The following ST8SIA6 variants were observed in gnomAD, a reference collection of about 807,000 sequenced individuals.
ST8SIA6 encodes the protein ST8 alpha-N-acetyl-neuraminide alpha-2,8-sialyltransferase 6.
In ST8SIA6, 39 loss-of-function variants were observed where a neutral mutation model predicts 33.6. The observed-to-expected ratio is 1.16, with a 90% confidence interval of 0.90 to 1.52. The LOEUF is 1.52. Ranked by LOEUF, ST8SIA6 falls within the 40% of genes most tolerant of loss-of-function variation. The probability of loss-of-function intolerance (pLI) is 0.00; values close to 1 mark genes in which losing one functional copy is unlikely to be tolerated. For missense variants in ST8SIA6, 441 were observed against 443.8 expected (o/e 0.99, Z 0.06); for synonymous variants, 172 against 167.2 (o/e 1.03, Z -0.22).
chr10:17,432,905 A>T (rs1564462195), intron 2 of ST8SIA6, among the ~76,000 whole-genome samples: 1 of 152,148 alleles, frequency 6.6e-6, no homozygotes, highest in African/African-American at 2.4e-5. Flanking sequence ...CCAACCTGTA[A>T]CCAACCCAGC....
At chr10:17,332,501 A>G (rs914405245) in intron 4 of ST8SIA6, among the ~76,000 whole-genome samples, 5 of 152,068 alleles carry the variant, frequency 3.3e-5, no homozygotes, top group East Asian at 1.9e-4. Flanking sequence ...GTCTCACTCA[A>G]TCTCCCACAC....
At chr10:17,361,736 G>A (rs2131620423) in intron 3 of ST8SIA6, among the ~76,000 whole-genome samples, 1 of 149,186 alleles carries the variant, frequency 6.7e-6, no homozygotes, top group Admixed American at 6.7e-5. Flanking sequence ...AACCGGGCAG[G>A]CCAACATTTC....
chr10:17,371,194 G>A (rs577947523), intron 3 of ST8SIA6, among the ~76,000 whole-genome samples: 1 of 152,316 alleles, frequency 6.6e-6, no homozygotes, highest in African/African-American at 2.4e-5. Context: ...CTGATACAGG[G>A]AAGAGTGCTA....
At chr10:17,383,783 A>G (rs1319472452) in intron 3 of ST8SIA6, among the ~76,000 whole-genome samples, 2 of 152,254 alleles carry the variant, frequency 1.3e-5, no homozygotes, top group East Asian at 1.9e-4. Context: ...AATTAACTGC[A>G]TGGACTAAAC....
At chr10:17,453,765 G>C (rs143249700) in intron 1 of ST8SIA6, 108 bp from the exon 2 acceptor site, 2 of 866,284 alleles carry the variant, frequency 2.3e-6, no homozygotes, top group Non-Finnish European at 3.1e-6. Flanking sequence ...GCACTCCCCG[G>C]CTCCCAGGCC....
At chr10:17,447,752 A>T (rs1166116088) in intron 2 of ST8SIA6, among the ~76,000 whole-genome samples, 1 of 152,178 alleles carries the variant, frequency 6.6e-6, no homozygotes, top group Non-Finnish European at 1.5e-5. Flanking sequence ...CTAACTAAAA[A>T]GTCCACCCCT....
chr10:17,374,516 A>G (rs1390077810), intron 3 of ST8SIA6, among the ~76,000 whole-genome samples: 1 of 151,814 alleles, frequency 6.6e-6, no homozygotes, highest in Non-Finnish European at 1.5e-5. Context: ...TGAGGTCAGG[A>G]GTTCGAGAGC....
At chr10:17,325,175 T>C (rs1156950504) in intron 6 of ST8SIA6, among the ~76,000 whole-genome samples, 2 of 141,804 alleles carry the variant, frequency 1.4e-5, no homozygotes, top group African/African-American at 5.1e-5. Context: ...TATGTACATA[T>C]GTAATGTATA....
At chr10:17,378,775 A>G (rs186859312) in intron 3 of ST8SIA6, among the ~76,000 whole-genome samples, 1 of 152,316 alleles carries the variant, frequency 6.6e-6, no homozygotes, top group African/African-American at 2.4e-5. Context: ...ATAGAAACCT[A>G]GAGTCCTGGC....
rs1456656034 is a variant in ST8SIA6 at position 17,453,574 on chromosome 10, G to C, written c.185C>G (p.Pro62Arg). ...RTLRSPATAV[P>R]RATNSTYLNE... ...GCCGCTGTACCTGTTAGTGGCGCGC[G>C]GTACCGCGGTCGCCGGGCTCCGGAG... Residue 62 changes from proline (P) to arginine (R), a missense_variant, in exon 2 of 8, where the codon CCG becomes CGG. Coordinates refer to ENST00000377602, the MANE Select transcript of ST8SIA6 (RefSeq NM_001004470.3). 2.3e-6 allele frequency: 3 copies of C among 1,322,636 alleles called. No homozygotes were observed. 81.9% of individuals were successfully genotyped at this position (1,322,636 alleles called of 1,614,324 possible).
At chr10:17,368,407 CAAAA>C (rs200826980) in intron 3 of ST8SIA6, among the ~76,000 whole-genome samples, 5 of 72,198 alleles carry the variant, frequency 6.9e-5, no homozygotes, top group African/African-American at 1.4e-4. Context: ...AGCTCTGTCT[CAAAA>C]AAAAAAAAAA....
At chr10:17,363,647 A>T (rs1564423144) in intron 3 of ST8SIA6, among the ~76,000 whole-genome samples, 1 of 152,106 alleles carries the variant, frequency 6.6e-6, no homozygotes, top group Non-Finnish European at 1.5e-5. Context: ...AGCTTATGGG[A>T]GCTGACCGCT....
At chr10:17,334,508 C>A (rs1178356714) in intron 4 of ST8SIA6, among the ~76,000 whole-genome samples, 1 of 147,990 alleles carries the variant, frequency 6.8e-6, no homozygotes, top group Non-Finnish European at 1.5e-5. Flanking sequence ...CACTGCACTC[C>A]AGCCTGGGCG....
chr10:17,322,024 G>A (rs943332421), intron 7 of ST8SIA6, among the ~76,000 whole-genome samples: 2 of 151,796 alleles, frequency 1.3e-5, no homozygotes, highest in Non-Finnish European at 2.9e-5. Context: ...GATCCCTTGA[G>A]CCCAGGAGTT....
chr10:17,365,754 C>T (rs1849539155), intron 3 of ST8SIA6, among the ~76,000 whole-genome samples: 1 of 152,152 alleles, frequency 6.6e-6, no homozygotes, highest in South Asian at 2.1e-4. Flanking sequence ...TGGGTACTTA[C>T]TAAGTACATA....
intron 5 of ST8SIA6, among the ~76,000 whole-genome samples, chr10:17,328,651 C>T (rs1848207873): frequency 6.6e-6 from 1 of 152,082 alleles, no homozygotes; most frequent in Admixed American, 6.6e-5. Context: ...CTCATTTTTC[C>T]CTCCTGATCT....
At chr10:17,404,477 A>G (rs370752249) in intron 2 of ST8SIA6, among the ~76,000 whole-genome samples, 59 of 152,124 alleles carry the variant, frequency 3.9e-4, no homozygotes, top group African/African-American at 1.4e-3. Context: ...TTCTTTTTCA[A>G]CAAGCCCTCA....
At chr10:17,418,984 G>C (rs1381108900) in intron 2 of ST8SIA6, among the ~76,000 whole-genome samples, 2 of 92,930 alleles carry the variant, frequency 2.2e-5, no homozygotes, top group Non-Finnish European at 3.9e-5. Context: ...TAAGAGCAAG[G>C]CTCCATCTCA....
chr10:17,336,148 C>G (rs12358831), intron 4 of ST8SIA6, among the ~76,000 whole-genome samples: 53,558 of 151,748 alleles, frequency 0.35, 10,824 homozygotes, highest in African/African-American at 0.54. Context: ...GTAGAAATGG[C>G]GTTTTACCAC....
Sources: allele counts gnomAD v4.1 joint callset (sites outside exome capture counted in the v4.1 genomes callset), GRCh38; gene constraint gnomAD v4.1.1; transcripts MANE v1.5; gene names NCBI Gene and HGNC (gene_info 2026-07-23, HGNC 2026-07-21).